The following ACSM3 variants were observed in gnomAD, a reference collection of about 807,000 sequenced individuals.
ACSM3 encodes acyl-CoA synthetase medium chain family member 3, also known as acyl-coenzyme A synthetase ACSM3, mitochondrial.
A neutral mutation model predicts 74.1 loss-of-function variants in ACSM3; 61 were observed. The observed-to-expected ratio is 0.82, with a 90% CI of 0.67 to 1.02. The LOEUF (loss-of-function observed/expected upper bound fraction) is 1.02. Among genes scored for constraint, ACSM3 ranks in the 50% least tolerant of loss-of-function variants. The pLI, the probability that ACSM3 is intolerant of heterozygous loss-of-function variation, is 0.00. For synonymous variants in ACSM3, 213 were observed against 241.5 expected, an observed-to-expected ratio of 0.88 and a Z score of 1.09; for missense variants, 660 against 697.0, an observed-to-expected ratio of 0.95 and a Z score of 0.60.
At chr16:20,752,731 C>A (rs1194422635) in intron 2 of ACSM3, among the ~76,000 whole-genome samples, 1 of 152,084 alleles carries the variant, frequency 6.6e-6, no homozygotes, top group African/African-American at 2.4e-5. Context: ...ATATAGATAA[C>A]AATTATCAAT....
intron 1 of ACSM3, among the ~76,000 whole-genome samples, chr16:20,725,862 T>A (rs1465037340): frequency 6.6e-6 from 1 of 152,038 alleles, no homozygotes; most frequent in East Asian, 1.9e-4. Flanking sequence ...AATCCCAGCC[T>A]CTTTGGAGGC....
At chr16:20,689,881 C>G (rs994901308) in intron 1 of ACSM3, among the ~76,000 whole-genome samples, 6 of 152,098 alleles carry the variant, frequency 3.9e-5, no homozygotes, top group Non-Finnish European at 8.8e-5. Flanking sequence ...AATCAGACAG[C>G]CTGGACCCAA....
chr16:20,753,828 C>T (rs905383409), intron 2 of ACSM3, among the ~76,000 whole-genome samples: 3 of 145,762 alleles, frequency 2.1e-5, no homozygotes, highest in Admixed American at 7.0e-5. Context: ...CTTTGTTTCC[C>T]TATTACAACT....
chr16:20,774,239 CT>C (rs71377684), intron 2 of ACSM3, among the ~76,000 whole-genome samples: 3,982 of 113,912 alleles, frequency 0.035, 20 homozygotes, highest in African/African-American at 0.075. Flanking sequence ...TTTTCTGTGT[CT>C]TTTTTTTTTT....
At chr16:20,787,188 A>G (rs554511927) in intron 9 of ACSM3, among the ~76,000 whole-genome samples, 146 of 152,346 alleles carry the variant, frequency 9.6e-4, no homozygotes, top group Admixed American at 1.4e-3. Context: ...TTATGTCCCA[A>G]AATAATAAGT....
In ACSM3 at chr16:20,781,707, G is replaced by A; in HGVS notation, c.940-1G>A. Reference sequence around the variant, plus strand: ...AAGAGTTTGCTTTTTCTAAATTGCAGACACTCTCCAAGTACCCCATCACAG... The same window carrying A: ...AAGAGTTTGCTTTTTCTAAATTGCAAACACTCTCCAAGTACCCCATCACAG... On this transcript the variant is annotated splice_acceptor_variant, in intron 6 of 13. Coordinates refer to ENST00000289416, the MANE Select transcript of ACSM3 (RefSeq NM_005622.4). LOFTEE classifies it high-confidence loss of function. 1 of 1,610,856 alleles carries A rather than the reference G, an allele frequency of 6.2e-7. No individual in the cohort carries two copies. Among genetic ancestry groups the A allele is most frequent in the Non-Finnish European group, 8.5e-7 (1 of 1,177,118 alleles).
At chr16:20,705,784 A>G (rs1460159485) in intron 1 of ACSM3, among the ~76,000 whole-genome samples, 1 of 152,214 alleles carries the variant, frequency 6.6e-6, no homozygotes, top group Non-Finnish European at 1.5e-5. Flanking sequence ...CAGATGTTGG[A>G]ATTAGTAGAG....
intron 1 of ACSM3, among the ~76,000 whole-genome samples, chr16:20,767,305 C>G (rs1391501689): frequency 5.8e-5 from 1 of 17,200 alleles, no homozygotes; most frequent in Non-Finnish European, 1.8e-4. Context: ...ATCACGAGGT[C>G]AGGAGATCGA....
intron 1 of ACSM3, among the ~76,000 whole-genome samples, chr16:20,683,542 A>G (rs2079487815): frequency 1.3e-5 from 2 of 149,684 alleles, no homozygotes; most frequent in Non-Finnish European, 3.0e-5. Context: ...CCTACACCTT[A>G]TTTTCTATTT....
At chr16:20,792,395 A>G in intron 12 of ACSM3, 60 bp downstream of exon 12, 1 of 1,599,064 alleles carries the variant, frequency 6.3e-7, no homozygotes. Context: ...CATACTTACA[A>G]ACAGTAGCTC....
rs1471768500 is a variant in ACSM3, at chr16:20,767,542, A to C, written c.-51-2442A>C. On this transcript the variant is annotated intron_variant, in intron 1 of 13. Transcript: ENST00000289416. ...AAAAAAAAAAAAAAAAAAAAAAAAA[A>C]AAACAGGGACCGGTAGTTCCCTCTG... is the stretch of plus-strand genomic sequence containing the variant. Among the ~76,000 whole-genome samples the C allele has an allele frequency of 1.3e-5, 2 of 151,648 alleles. 1 individual carries two copies. The highest frequency in any genetic ancestry group is 4.2e-4 in the South Asian group (2 of 4,800).
At chr16:20,717,348 G>A (rs1457967636) in intron 1 of ACSM3, among the ~76,000 whole-genome samples, 3 of 152,150 alleles carry the variant, frequency 2.0e-5, no homozygotes. Context: ...GCTCCCCCAG[G>A]AGCTATACAG....
At chr16:20,713,519 C>G (rs894053587) in intron 1 of ACSM3, among the ~76,000 whole-genome samples, 62 of 152,136 alleles carry the variant, frequency 4.1e-4, no homozygotes, top group Non-Finnish European at 1.5e-4. Context: ...CCACTGCACT[C>G]CAGCCTGGGT....
chr16:20,758,428 G>A (rs1319688003), intron 3 of ACSM3, among the ~76,000 whole-genome samples: 4 of 152,088 alleles, frequency 2.6e-5, no homozygotes, highest in Non-Finnish European at 5.9e-5. Flanking sequence ...GCGTAGAGGT[G>A]TTTGTAGTAT....
At chr16:20,701,134 T>G (rs1190404211) in intron 1 of ACSM3, among the ~76,000 whole-genome samples, 1 of 152,130 alleles carries the variant, frequency 6.6e-6, no homozygotes, top group African/African-American at 2.4e-5. Flanking sequence ...ATATAAAAAA[T>G]GCTGAAAAGA....
chr16:20,796,336 C>T (rs376638523), intron 12 of ACSM3, 34 bp from the exon 13 acceptor site: 101 of 1,601,072 alleles, frequency 6.3e-5, no homozygotes, highest in Non-Finnish European at 8.3e-5. Flanking sequence ...AAATGCATAA[C>T]TCATTTTCCT....
At chr16:20,697,165 T>C (rs571758910) in intron 1 of ACSM3, among the ~76,000 whole-genome samples, 103 of 152,274 alleles carry the variant, frequency 6.8e-4, no homozygotes, top group African/African-American at 2.1e-3. Context: ...CTCAATCTCC[T>C]GGGCTACAGT....
At chr16:20,768,006 AAT>A (rs1429582663) in intron 1 of ACSM3, among the ~76,000 whole-genome samples, 1 of 152,208 alleles carries the variant, frequency 6.6e-6, no homozygotes, top group Non-Finnish European at 1.5e-5. Flanking sequence ...CTGCTCTCTC[AAT>A]GGCAGAGTTA....
chr16:20,777,467 T>C lies in ACSM3; in HGVS notation c.525T>C (p.Asp175=), dbSNP rs757258795. The C allele has an allele frequency of 6.2e-7, 1 of 1,614,108 alleles. No homozygotes were observed. The highest frequency in any genetic ancestry group is 1.1e-5 in the South Asian group (1 of 91,084). Residue 175 remains aspartate, a synonymous_variant, in exon 4 of 14, where the codon GAT becomes GAC. Coordinates refer to ENST00000289416, the MANE Select transcript of ACSM3 (RefSeq NM_005622.4). ...AAGCAAACTGCATTATCACCAATGA[T>C]GTTTTAGCCCCAGCAGTAGACGCTG... The part of the protein sequence containing the change: ...SSKANCIITN[D]VLAPAVDAVA...
Sources: allele counts gnomAD v4.1 joint callset (sites outside exome capture counted in the v4.1 genomes callset), GRCh38; gene constraint gnomAD v4.1.1; transcripts MANE v1.5; gene names NCBI Gene and HGNC (gene_info 2026-07-23, HGNC 2026-07-21).